The following PTPRT variants were observed in gnomAD, a reference collection of about 807,000 sequenced individuals.
PTPRT encodes protein tyrosine phosphatase receptor type T, also known as receptor-type tyrosine-protein phosphatase T.
PTPRT carries 56 observed loss-of-function variants against 176.8 expected under a neutral mutation model. The observed-to-expected ratio is 0.32, with a 90% CI of 0.26 to 0.40. The LOEUF (loss-of-function observed/expected upper bound fraction) is 0.40, where lower values mean the gene tolerates loss of function less well. Among genes scored for constraint, PTPRT ranks in the 10% least tolerant of loss-of-function variants. The pLI is 1.00. For missense variants in PTPRT, 1,540 were observed against 1,908.2 expected (o/e 0.81, Z 3.60); for synonymous variants, 783 against 739.0 (o/e 1.06, Z -0.96).
chr20:42,388,551 A>C (rs963236210), intron 9 of PTPRT, among the ~76,000 whole-genome samples: 10 of 152,214 alleles, frequency 6.6e-5, no homozygotes, highest in African/African-American at 2.4e-4. Context: ...GCCATCAGAG[A>C]AATGCAAATC....
rs534608467 is a variant in PTPRT at position 42,798,081 on chromosome 20, G to C, written c.215-6615C>G. ...CTAATACACACTTCAAACATCCTAC[G>C]CATGTCCCTGCTGCTAGGCTTTTGC... On this transcript the variant is annotated intron_variant, in intron 2 of 30. Transcript: ENST00000373187. 2.0e-5 allele frequency among the ~76,000 whole-genome samples: 3 copies of C among 152,258 alleles called. No individual in the cohort carries two copies. The South Asian group carries it at 6.2e-4, about 32-fold the overall frequency.
chr20:42,043,638 C>T, the PTPRT span, among the ~76,000 whole-genome samples: 5 of 152,122 alleles, frequency 3.3e-5, no homozygotes, highest in African/African-American at 7.2e-5. Context: ...CTTGCAGAGC[C>T]GCTGTGGACA....
Position 43,094,088 on chromosome 20 carries a change from T to C in PTPRT, c.88+95558A>G, listed in dbSNP as rs1354626035. ...TCTTCTCTGTTTTTTTCTTTCTTTC[T>C]TTCTTTTTTTTTTTTTTTTTGACGG... On this transcript the variant is annotated intron_variant, in intron 1 of 30. Coordinates refer to ENST00000373187, the MANE Select transcript of PTPRT (RefSeq NM_007050.6). Among the ~76,000 whole-genome samples, 3 of 133,160 alleles carry C rather than the reference T, an allele frequency of 2.3e-5. No homozygotes were observed. In the East Asian group the frequency reaches 6.1e-4, roughly 27 times the overall value. The allele number at this position is 133,160 out of a possible 152,430, so 87.4% of individuals were successfully genotyped here.
chr20:42,935,508 AG>A (rs1402585291), intron 1 of PTPRT, among the ~76,000 whole-genome samples: 1 of 151,936 alleles, frequency 6.6e-6, no homozygotes, highest in Non-Finnish European at 1.5e-5. Flanking sequence ...GATTACACAA[AG>A]GAACGAATAT....
chr20:42,242,269 C>A (rs536997945), intron 14 of PTPRT, among the ~76,000 whole-genome samples: 1 of 152,310 alleles, frequency 6.6e-6, no homozygotes, highest in East Asian at 1.9e-4. Flanking sequence ...TAGGTCTGTT[C>A]TCTGAGTGAA....
chr20:42,789,603 C>T (rs1027905429), intron 3 of PTPRT, among the ~76,000 whole-genome samples: 2 of 152,246 alleles, frequency 1.3e-5, no homozygotes, highest in South Asian at 4.1e-4. Flanking sequence ...ACCCAATGAA[C>T]GGTAGGTATC....
intron 4 of PTPRT, among the ~76,000 whole-genome samples, chr20:42,776,679 GCATATAATTATATAATCATAT>G (rs1303782045): frequency 2.0e-5 from 3 of 150,630 alleles, no homozygotes; most frequent in Non-Finnish European, 4.4e-5. Flanking sequence ...CACTGTCTGT[GCATATAATTATATAATCATAT>G]CATATAATTA....
At chr20:42,945,589 C>G (rs1980837170) in intron 1 of PTPRT, among the ~76,000 whole-genome samples, 1 of 152,190 alleles carries the variant, frequency 6.6e-6, no homozygotes, top group African/African-American at 2.4e-5. Context: ...CTCCAAGGTG[C>G]CTGTTTCCCT....
intron 6 of PTPRT, among the ~76,000 whole-genome samples, chr20:42,686,682 CG>C (rs2075701298): frequency 6.6e-6 from 1 of 151,542 alleles, no homozygotes; most frequent in African/African-American, 2.4e-5. Flanking sequence ...TTGGTAGAGA[CG>C]GGGTTTCACC....
intron 17 of PTPRT, among the ~76,000 whole-genome samples, chr20:42,159,097 C>T (rs1387598399): frequency 6.8e-6 from 1 of 146,776 alleles, no homozygotes; most frequent in Non-Finnish European, 1.5e-5. Context: ...CATTTGGCTA[C>T]TTGTCCCTTT....
chr20:42,799,619 G>A (rs2077500948), intron 2 of PTPRT, among the ~76,000 whole-genome samples: 1 of 152,130 alleles, frequency 6.6e-6, no homozygotes, highest in Admixed American at 6.5e-5. Context: ...AAAACATAAG[G>A]TCTTGACCGA....
intron 7 of PTPRT, among the ~76,000 whole-genome samples, chr20:42,605,405 C>T (rs1409785526): frequency 6.6e-6 from 1 of 152,190 alleles, no homozygotes; most frequent in Non-Finnish European, 1.5e-5. Flanking sequence ...AGAAAAGCTG[C>T]AGGTCTTCAG....
chr20:42,726,764 C>G (rs2076387393), intron 6 of PTPRT, among the ~76,000 whole-genome samples: 1 of 152,210 alleles, frequency 6.6e-6, no homozygotes, highest in Non-Finnish European at 1.5e-5. Context: ...CTTCCATTCT[C>G]TAGATGCACA....
chr20:42,691,409 T>A (rs1022159786), intron 6 of PTPRT, among the ~76,000 whole-genome samples: 3 of 152,220 alleles, frequency 2.0e-5, no homozygotes, highest in African/African-American at 7.2e-5. Flanking sequence ...TTCTTCTCCT[T>A]GGCCTATCCC....
intron 22 of PTPRT, 69 bp from the exon 23 acceptor site, chr20:42,110,556 G>GC: frequency 6.6e-7 from 1 of 1,508,656 alleles, no homozygotes; most frequent in South Asian, 1.3e-5. Flanking sequence ...AACACGTGGA[G>GC]CCATAGCTGC....
At chr20:42,242,140 A>T (rs2056366501) in intron 14 of PTPRT, among the ~76,000 whole-genome samples, 1 of 152,146 alleles carries the variant, frequency 6.6e-6, no homozygotes, top group Non-Finnish European at 1.5e-5. Context: ...TTTTGTGGCA[A>T]TGTGCTCTCT....
intron 13 of PTPRT, among the ~76,000 whole-genome samples, chr20:42,261,716 G>A (rs889488587): frequency 6.6e-6 from 1 of 152,106 alleles, no homozygotes; most frequent in Admixed American, 6.5e-5. Context: ...TGCATAGCAG[G>A]GTGCACCAGA....
chr20:42,838,624 G>A (rs563674261), intron 2 of PTPRT, among the ~76,000 whole-genome samples: 9 of 152,288 alleles, frequency 5.9e-5, no homozygotes, highest in Admixed American at 4.6e-4. Flanking sequence ...CCAATGGGCC[G>A]CTGGACAGAG....
At chr20:42,628,511 T>TA (rs1431183988) in intron 7 of PTPRT, among the ~76,000 whole-genome samples, 2 of 152,146 alleles carry the variant, frequency 1.3e-5, no homozygotes, top group African/African-American at 4.8e-5. Flanking sequence ...TCTTTCTTTT[T>TA]ACCTCTCTTC....
Sources: gnomAD v4.1 joint callset for allele counts (sites outside exome capture counted in the v4.1 genomes callset) on GRCh38, gnomAD v4.1.1 for gene constraint, MANE v1.5 for transcripts, NCBI Gene and HGNC (gene_info 2026-07-23, HGNC 2026-07-21) for gene names.